PCSK2: variants seen among roughly 807,000 people sequenced by gnomAD.
PCSK2 encodes neuroendocrine convertase 2.
PCSK2 carries 14 observed loss-of-function variants against 69.7 expected under a neutral mutation model. The ratio of observed to expected loss-of-function variants is 0.20; its 90% CI spans 0.13 to 0.31. PCSK2 has a LOEUF of 0.31. Among genes scored for constraint, PCSK2 ranks in the 10% least tolerant of loss-of-function variants. PCSK2 has a pLI of 1.00. For synonymous variants in PCSK2, 307 were observed against 320.7 expected (o/e 0.96, Z 0.46); for missense variants, 544 against 842.5 (o/e 0.65, Z 4.39).
At chr20:17,398,525 A>C (rs1470642169) in intron 5 of PCSK2, among the ~76,000 whole-genome samples, 1 of 110,352 alleles carries the variant, frequency 9.1e-6, no homozygotes, top group Admixed American at 8.5e-5. Flanking sequence ...TCCTGTCTCA[A>C]AAAAAAAAAA....
intron 8 of PCSK2, among the ~76,000 whole-genome samples, chr20:17,437,623 A>T (rs1290520725): frequency 2.6e-5 from 4 of 152,190 alleles, no homozygotes; most frequent in Admixed American, 2.6e-4. Context: ...TGATGTATAA[A>T]TGAGATAAAG....
At chr20:17,387,950 C>A (rs1213428440) in intron 5 of PCSK2, among the ~76,000 whole-genome samples, 2 of 152,156 alleles carry the variant, frequency 1.3e-5, no homozygotes, top group African/African-American at 4.8e-5. Context: ...CAGATCTGGG[C>A]TGCCAGTTAA....
intron 2 of PCSK2, among the ~76,000 whole-genome samples, chr20:17,304,554 T>C (rs1462002922): frequency 6.6e-6 from 1 of 152,238 alleles, no homozygotes; most frequent in East Asian, 1.9e-4. Flanking sequence ...AAGATTCTTT[T>C]CCTCACTTTT....
chr20:17,369,088 C>A, intron 4 of PCSK2, 152 bp from the exon 5 acceptor site: 4 of 685,096 alleles, frequency 5.8e-6, no homozygotes, highest in Non-Finnish European at 8.0e-6. Flanking sequence ...AAGGGAGGTG[C>A]AAGACTGGGA....
chr20:17,250,737 T>C (rs1467167891), intron 1 of PCSK2, among the ~76,000 whole-genome samples: 1 of 152,164 alleles, frequency 6.6e-6, no homozygotes. Context: ...GCCAGAATCA[T>C]GGTAAGATAT....
At chr20:17,429,827 C>T (rs1025579221) in intron 7 of PCSK2, among the ~76,000 whole-genome samples, 1 of 152,126 alleles carries the variant, frequency 6.6e-6, no homozygotes, top group Admixed American at 6.5e-5. Context: ...AACATGTCCC[C>T]TTCCAGTTAC....
At chr20:17,311,591 G>A (rs1487110864) in intron 2 of PCSK2, among the ~76,000 whole-genome samples, 4 of 152,092 alleles carry the variant, frequency 2.6e-5, no homozygotes, top group Admixed American at 6.5e-5. Context: ...TGTACCTTAG[G>A]CCAATTACGT....
intron 5 of PCSK2, among the ~76,000 whole-genome samples, chr20:17,381,950 C>T (rs954217045): frequency 5.9e-5 from 9 of 152,136 alleles, no homozygotes; most frequent in Non-Finnish European, 1.2e-4. Context: ...ACTTTACCAA[C>T]AAAAAATATA....
intron 10 of PCSK2, among the ~76,000 whole-genome samples, chr20:17,460,725 C>T (rs1296627903): frequency 6.6e-6 from 1 of 152,104 alleles, no homozygotes; most frequent in Non-Finnish European, 1.5e-5. Flanking sequence ...TGCCTTAAAG[C>T]TGAAAAACGT....
intron 7 of PCSK2, among the ~76,000 whole-genome samples, chr20:17,435,362 C>T (rs1454695080): frequency 2.0e-5 from 3 of 152,106 alleles, no homozygotes; most frequent in East Asian, 3.9e-4. Flanking sequence ...ATATGAAACA[C>T]GCAAATAAGT....
chr20:17,267,891 T>A (rs994382097), intron 2 of PCSK2, among the ~76,000 whole-genome samples: 1 of 151,962 alleles, frequency 6.6e-6, no homozygotes, highest in Non-Finnish European at 1.5e-5. Context: ...GAAGAGTCTC[T>A]AATGGTGGGC....
At chr20:17,228,910 G>T (rs1480373550) in intron 1 of PCSK2, among the ~76,000 whole-genome samples, 3 of 152,196 alleles carry the variant, frequency 2.0e-5, no homozygotes, top group East Asian at 1.9e-4. Context: ...GAAAGCGTGG[G>T]TGGAGCAGGG....
At chr20:17,373,446 G>C (rs1335908546) in intron 5 of PCSK2, among the ~76,000 whole-genome samples, 1 of 152,174 alleles carries the variant, frequency 6.6e-6, no homozygotes, top group Non-Finnish European at 1.5e-5. Context: ...AAAAGCCCTG[G>C]GCAGAGGTGT....
intron 2 of PCSK2, among the ~76,000 whole-genome samples, chr20:17,350,662 G>C (rs1325697443): frequency 2.0e-5 from 3 of 152,176 alleles, no homozygotes; most frequent in Non-Finnish European, 2.9e-5. Flanking sequence ...CCATCAACCT[G>C]ATGACTCTGC....
At chr20:17,287,813 GC>G (rs1311367454) in intron 2 of PCSK2, among the ~76,000 whole-genome samples, 1 of 152,190 alleles carries the variant, frequency 6.6e-6, no homozygotes, top group East Asian at 1.9e-4. Context: ...GCCTTCCTAA[GC>G]CCCTGGGCTT....
At chr20:17,269,242 G>A (rs1319678559) in intron 2 of PCSK2, among the ~76,000 whole-genome samples, 1 of 152,104 alleles carries the variant, frequency 6.6e-6, no homozygotes. Context: ...TCAATGCCAG[G>A]AGACTAGTTG....
At chr20:17,379,314 C>A (rs2123249447) in intron 5 of PCSK2, among the ~76,000 whole-genome samples, 2 of 152,354 alleles carry the variant, frequency 1.3e-5, no homozygotes, top group South Asian at 4.1e-4. Context: ...AGAGCCACAC[C>A]TACATGGGAT....
In PCSK2 at chr20:17,352,993, C is replaced by CAAAA. The variant is rs199561992; in HGVS notation, c.283-5327_283-5324dup. ...TCTATAAGAAACTTAAACAAATCAACAAAAAAAAAATCCCTATTTTAAAAT... is the reference window on the plus strand; with the variant it reads ...TCTATAAGAAACTTAAACAAATCAACAAAAAAAAAAAAAATCCCTATTTTAAAAT... On this transcript the variant is annotated intron_variant, in intron 2 of 11. Coordinates refer to ENST00000262545, the MANE Select transcript of PCSK2 (RefSeq NM_002594.5). Among the ~76,000 whole-genome samples, 4 of 148,428 alleles carry CAAAA rather than the reference C, an allele frequency of 2.7e-5. No individual in the cohort carries two copies. In the East Asian group the frequency reaches 7.9e-4, roughly 29 times the overall value.
At chr20:17,269,085 G>A (rs1362542974) in intron 2 of PCSK2, among the ~76,000 whole-genome samples, 3 of 152,172 alleles carry the variant, frequency 2.0e-5, no homozygotes, top group African/African-American at 7.2e-5. Context: ...AGGGAATTAA[G>A]AGTTTAGTTT....
Sources: allele counts gnomAD v4.1 joint callset (sites outside exome capture counted in the v4.1 genomes callset), GRCh38; gene constraint gnomAD v4.1.1; transcripts MANE v1.5; gene names NCBI Gene and HGNC (gene_info 2026-07-23, HGNC 2026-07-21).